SIGLEC7: variants seen among roughly 807,000 people sequenced by gnomAD.
The protein encoded by SIGLEC7 is sialic acid binding Ig like lectin 7.
A neutral mutation model predicts 40.8 loss-of-function variants in SIGLEC7; 33 were observed. That is an observed-to-expected ratio of 0.81 (90% CI 0.61 to 1.08). The LOEUF is 1.08. SIGLEC7 is among the 50% of genes least tolerant of loss of function. The pLI is 0.00. For synonymous variants in SIGLEC7, 242 were observed against 237.6 expected (o/e 1.02, Z -0.17); for missense variants, 513 against 576.1 (o/e 0.89, Z 1.12).
chr19:51,152,965 A>G, intron 6 of SIGLEC7, 98 bp from the exon 7 acceptor site: 2 of 997,602 alleles, frequency 2.0e-6, no homozygotes, highest in Non-Finnish European at 1.4e-6. Context: ...ACAGAGGAAT[A>G]TATCCGAACC....
In SIGLEC7 at chr19:51,145,023, TCC is replaced by T. The variant is rs1157200021; in HGVS notation, c.760+66_760+67del. On this transcript the variant is annotated intron_variant, in intron 3 of 6. Coordinates refer to ENST00000317643, the MANE Select transcript of SIGLEC7 (RefSeq NM_014385.4). This position sits in a 1 kb window ranked among gnomAD's most constrained non-coding sequence, Gnocchi z 4.3. The stretch of plus-strand genomic sequence containing the variant: ...GCCTTCAGCTCAGGGCAGGGCCAGG[TCC>T]CTCCTCATCCTGGACTCACCCTGGT... 5.0e-5 allele frequency: 73 copies of T among 1,473,940 alleles called. No homozygotes were observed. The African/African-American group carries it at 9.6e-4, about 19-fold the overall frequency. 91.3% of individuals were successfully genotyped at this position (1,473,940 alleles called of 1,614,324 possible).
Position 51,144,657 on chromosome 19 carries a change from A to C in SIGLEC7, c.685A>C (p.Asn229His). Residue 229 changes from asparagine to histidine, a missense_variant, in exon 2 of 7, where the codon AAC (asparagine) becomes CAC (histidine). Transcript: ENST00000317643. Reference protein sequence around the residue: ...VTLPGAGVTTNRTIQLNVSYP... With the variant: ...VTLPGAGVTTHRTIQLNVSYP... ...CTTGCCTGGGGCCGGCGTGACCACG[A>C]ACAGGACCATCCAACTCAATGTGTC... is the stretch of plus-strand genomic sequence containing the variant. 1.2e-6 allele frequency: 2 copies of C among 1,613,744 alleles called. No individual in the cohort carries two copies. The highest frequency in any genetic ancestry group is 1.7e-6 in the Non-Finnish European group (2 of 1,179,992).
Position 51,142,948 on chromosome 19 carries a change from C to G in SIGLEC7, c.433+146C>G, listed in dbSNP as rs983501431. 3.3e-6 allele frequency: 3 copies of G among 915,252 alleles called. No individual in the cohort carries two copies. Among genetic ancestry groups the G allele is most frequent in the Admixed American group, 2.4e-5 (1 of 40,998 alleles). The allele number at this position is 915,252 out of a possible 1,614,324, so 56.7% of individuals were successfully genotyped here. ...ACCAGAGCCTGAGCTTCCCCAGGAC[C>G]GCACCTTGGATGCCCCTCCTGATCC... On this transcript the variant is annotated intron_variant, in intron 1 of 6. Coordinates refer to ENST00000317643, the MANE Select transcript of SIGLEC7 (RefSeq NM_014385.4). The surrounding 1 kb of genome is among the most constrained non-coding windows in gnomAD (Gnocchi z 5.0).
At chr19:51,144,802 G>T in intron 2 of SIGLEC7, 110 bp from the exon 3 acceptor site, 1 of 1,579,186 alleles carries the variant, frequency 6.3e-7, no homozygotes, top group Non-Finnish European at 8.7e-7. Flanking sequence ...CTGGTTGTGG[G>T]ATCAGGAGGA....
At position 51,146,761 on chromosome 19, in the gene SIGLEC7, G is replaced by A. The variant is rs1364722668; in HGVS notation, c.1035G>A (p.Met345Ile). The A allele has an allele frequency of 1.9e-6, 3 of 1,613,440 alleles. No homozygotes were observed. The highest frequency in any genetic ancestry group is 2.2e-5 in the East Asian group (1 of 44,832). ...ATTCCAATCCATCCTCAGGCAAAAT[G>A]AGGCCTGTATCAGGAGTGTTGCTGG... ...LSLQQEYTGK[M>I]RPVSGVLLGA... The change falls in exon 5 of 7, where the codon ATG becomes ATA. Residue 345 changes from methionine (M) to isoleucine (I), a missense_variant. Coordinates refer to ENST00000317643, the MANE Select transcript of SIGLEC7 (RefSeq NM_014385.4).
chr19:51,142,721 G>A lies in SIGLEC7; in HGVS notation c.352G>A (p.Ala118Thr), dbSNP rs1308389604. The A allele has an allele frequency of 1.9e-6, 3 of 1,614,008 alleles. No individual in the cohort carries two copies. Among genetic ancestry groups the A allele is most frequent in the African/African-American group, 1.3e-5 (1 of 74,918 alleles). Residue 118 changes from alanine to threonine, a missense_variant, in exon 1 of 7, where the codon GCG becomes ACG. By Grantham distance (58) the Ala-to-Thr change is moderately conservative (BLOSUM62 0). Transcript: ENST00000317643. The surrounding 1 kb of genome is among the most constrained non-coding windows in gnomAD (Gnocchi z 5.0). ...CATCAGAGATGCCAGAATGAGTGAT[G>A]CGGGGAGATACTTCTTTCGTATGGA... ...LSIRDARMSD[A>T]GRYFFRMEKG...
At position 51,153,284 on chromosome 19, in the gene SIGLEC7, C is replaced by T; in HGVS notation, c.*39C>T. 1 of 1,453,156 alleles carries T rather than the reference C, an allele frequency of 6.9e-7. No individual in the cohort carries two copies. The highest frequency in any genetic ancestry group is 9.2e-7 in the Non-Finnish European group (1 of 1,088,224). The allele number at this position is 1,453,156 out of a possible 1,614,324, so 90.0% of individuals were successfully genotyped here. ...CTCGGGCTTGTTTGAGGGTTCACGA[C>T]CCCTCCAGCAAAGGAGTCTGAGGCT... On this transcript the variant is annotated 3_prime_UTR_variant, in exon 7 of 7. Coordinates refer to ENST00000317643, the MANE Select transcript of SIGLEC7 (RefSeq NM_014385.4).
Position 51,145,420 on chromosome 19 carries a change from C to T in SIGLEC7, c.761-435C>T, listed in dbSNP as rs1374516518. On this transcript the variant is annotated intron_variant, in intron 3 of 6. Transcript: ENST00000317643. The surrounding 1 kb of genome is among the most constrained non-coding windows in gnomAD (Gnocchi z 4.3). ...CTTGGTTTGTGCACCTGGAAGATCT[C>T]AGAGGTGGTTTGATGTCAGCAGTGA... 6.6e-6 allele frequency among the ~76,000 whole-genome samples: 1 copy of T among 152,170 alleles called. No homozygotes were observed. Among genetic ancestry groups the T allele is most frequent in the Non-Finnish European group, 1.5e-5 (1 of 68,046 alleles).
intron 1 of SIGLEC7, chr19:51,143,758 G>C: frequency 3.9e-6 from 1 of 254,330 alleles, no homozygotes; most frequent in Non-Finnish European, 7.9e-6. Flanking sequence ...CAGAGATGCT[G>C]CTGCCTCTCT....
chr19:51,147,368 A>G, intron 6 of SIGLEC7, 51 bp downstream of exon 6: 2 of 1,515,116 alleles, frequency 1.3e-6, no homozygotes, highest in South Asian at 1.2e-5. Flanking sequence ...GACATCTCCC[A>G]CAGGATGGCC....
In SIGLEC7 at chr19:51,152,034, C is replaced by A. The variant is rs1409727747; in HGVS notation, c.1222-1029C>A. Among the ~76,000 whole-genome samples, 5 of 152,168 alleles carry A rather than the reference C, an allele frequency of 3.3e-5. 1 individual carries two copies. The South Asian group carries it at 1.0e-3, about 31-fold the overall frequency. ...GCATTTCCTGGCTTCCAACAACACA[C>A]ATGGATTAAAGTTCTGAAGGTCACA... is the stretch of plus-strand genomic sequence containing the variant. On this transcript the variant is annotated intron_variant, in intron 6 of 6. Transcript: ENST00000317643.
At chr19:51,146,202 G>A in intron 4 of SIGLEC7, 81 bp downstream of exon 4, 3 of 1,547,190 alleles carry the variant, frequency 1.9e-6, no homozygotes, top group Non-Finnish European at 2.6e-6. Context: ...GCTTCAAGGG[G>A]GAGCTCAGCT....
intron 6 of SIGLEC7, 35 bp from the exon 7 acceptor site, chr19:51,153,028 G>T: frequency 2.7e-6 from 4 of 1,472,910 alleles, no homozygotes; most frequent in Non-Finnish European, 3.6e-6. Context: ...TATTTCCACT[G>T]CTCTGCTCTG....
intron 5 of SIGLEC7, 39 bp downstream of exon 5, chr19:51,146,889 G>A: frequency 6.3e-7 from 1 of 1,584,774 alleles, no homozygotes; most frequent in Non-Finnish European, 8.7e-7. Context: ...GAGTCCTGGG[G>A]GAGGGCGGAC....
At chr19:51,143,348 G>C (rs953952766) in intron 1 of SIGLEC7, among the ~76,000 whole-genome samples, 1 of 152,104 alleles carries the variant, frequency 6.6e-6, no homozygotes, top group Non-Finnish European at 1.5e-5. Context: ...CTCAGCACAC[G>C]GCCCCTCCAT....
At chr19:51,147,159 T>C (rs1599833058) in intron 5 of SIGLEC7, 62 bp from the exon 6 acceptor site, 2 of 1,605,698 alleles carry the variant, frequency 1.2e-6, no homozygotes, top group Non-Finnish European at 1.7e-6. Context: ...AGGGCAGGGG[T>C]TGGTCTGCCC....
At position 51,144,775 on chromosome 19, in the gene SIGLEC7, G is replaced by A. The variant is rs566595706; in HGVS notation, c.712+91G>A. The A allele has an allele frequency of 1.8e-4, 289 of 1,580,518 alleles. 3 individuals are homozygous for A. The South Asian group carries it at 3.2e-3, about 17-fold the overall frequency. On this transcript the variant is annotated intron_variant, in intron 2 of 6. Coordinates refer to ENST00000317643, the MANE Select transcript of SIGLEC7 (RefSeq NM_014385.4). ...GGGTCAGGGCTCGACACTGGGTGCTGGGTCCCAGAATCTGGGCTGGTTGTG... is the reference window on the plus strand; with the variant it reads ...GGGTCAGGGCTCGACACTGGGTGCTAGGTCCCAGAATCTGGGCTGGTTGTG...
chr19:51,144,343 G>A (rs901163578), intron 1 of SIGLEC7, 63 bp from the exon 2 acceptor site: 25 of 1,525,536 alleles, frequency 1.6e-5, no homozygotes, highest in Non-Finnish European at 2.6e-6. Context: ...CAGAGCCTGA[G>A]CTTCCCCCAG....
At chr19:51,148,696 A>G (rs1050039301) in intron 6 of SIGLEC7, among the ~76,000 whole-genome samples, 2 of 152,202 alleles carry the variant, frequency 1.3e-5, no homozygotes, top group Non-Finnish European at 2.9e-5. Flanking sequence ...TACTCTGAGT[A>G]TAAAACCAGT....
Sources: allele counts gnomAD v4.1 joint callset (sites outside exome capture counted in the v4.1 genomes callset), GRCh38; gene constraint gnomAD v4.1.1; non-coding constraint Gnocchi (gnomAD v3.1); transcripts MANE v1.5; gene names NCBI Gene and HGNC (gene_info 2026-07-23, HGNC 2026-07-21).